ZNF843: variants seen among roughly 807,000 people sequenced by gnomAD.
The protein encoded by ZNF843 is zinc finger protein 843.
For synonymous variants in ZNF843, 185 were observed against 207.7 expected (o/e 0.89, Z 0.94); for missense variants, 482 against 469.4 (o/e 1.03, Z -0.25).
At chr16:31,438,610 C>T (rs960990839) in intron 1 of ZNF843, among the ~76,000 whole-genome samples, 1 of 152,118 alleles carries the variant, frequency 6.6e-6, no homozygotes, top group South Asian at 2.1e-4. Context: ...TCAGCGGATA[C>T]TTGGCTCTTA....
At position 31,435,742 on chromosome 16, in the gene ZNF843, C is replaced by G. The variant is rs1427159345; in HGVS notation, c.*61G>C. On this transcript the variant is annotated 3_prime_UTR_variant, in exon 2 of 2. Transcript: ENST00000315678. ...TGTGTGGAGGGAGGGGACTGCATCT[C>G]AGATCCACAGTCCACCGGCGGCTGC... 1 of 1,422,810 alleles carries G rather than the reference C, an allele frequency of 7.0e-7. No individual in the cohort carries two copies. The highest frequency in any genetic ancestry group is 9.2e-7 in the Non-Finnish European group (1 of 1,082,190). The allele number at this position is 1,422,810 out of a possible 1,614,324, so 88.1% of individuals were successfully genotyped here.
chr16:31,435,945 C>G lies in ZNF843; in HGVS notation c.905G>C (p.Gly302Ala). The change falls in exon 2 of 2, where the codon GGA becomes GCA. Residue 302 changes from glycine to alanine, a missense_variant. By Grantham distance (60) the Gly-to-Ala change is moderately conservative. Transcript: ENST00000315678. ...CCTGGCCCTGGCCTCGCCGAGCGGT[C>G]CGGCCGCTCTGTGCTGCGAGGCCTT... ...ARKASQHRAA[G>A]PLGEARARLQ... 1 of 1,541,226 alleles carries G rather than the reference C, an allele frequency of 6.5e-7. No individual in the cohort carries two copies. Among genetic ancestry groups the G allele is most frequent in the Non-Finnish European group, 8.8e-7 (1 of 1,141,984 alleles).
At position 31,436,028 on chromosome 16, in the gene ZNF843, G is replaced by T. The variant is rs1049468913; in HGVS notation, c.822C>A (p.Ser274Arg). Residue 274 changes from serine (S) to arginine (R), a missense_variant, in exon 2 of 2, where the codon AGC becomes AGA. By Grantham distance (110) the Ser-to-Arg change is moderately radical. Transcript: ENST00000315678. ...CCGCCTCCCGCGAGTCCCGTCCCGC[G>T]CTCGCACAGCTTCTGGGCCCCATCG... is the stretch of plus-strand genomic sequence containing the variant. ...EGAMGPRSCA[S>R]AGRDSREAVQ... 25 of 1,532,742 alleles carry T rather than the reference G, an allele frequency of 1.6e-5. No homozygotes were observed. The highest frequency in any genetic ancestry group is 4.1e-5 in the African/African-American group (3 of 72,718). 94.9% of individuals were successfully genotyped at this position (1,532,742 alleles called of 1,614,324 possible).
intron 1 of ZNF843, among the ~76,000 whole-genome samples, chr16:31,442,206 C>A (rs1045857052): frequency 6.6e-6 from 1 of 152,260 alleles, no homozygotes; most frequent in African/African-American, 2.4e-5. Flanking sequence ...CCACGGAACG[C>A]CCCACCAAGC....
In ZNF843 at chr16:31,435,961, G is replaced by A; in HGVS notation, c.889C>T (p.Gln297Ter). 1 of 1,532,712 alleles carries A rather than the reference G, an allele frequency of 6.5e-7. No individual in the cohort carries two copies. The highest frequency in any genetic ancestry group is 8.8e-7 in the Non-Finnish European group (1 of 1,137,250). The allele number at this position is 1,532,712 out of a possible 1,614,324, so 94.9% of individuals were successfully genotyped here. The part of the protein sequence containing the change: ...GYPEPARKAS[Q>*]HRAAGPLGEA... ...CCGAGCGGTCCGGCCGCTCTGTGCT[G>A]CGAGGCCTTCCGGGCTGGCTCAGGG... is the stretch of plus-strand genomic sequence containing the variant. The change falls in exon 2 of 2, where the codon CAG becomes TAG. Residue 297 changes from glutamine to a stop codon, truncating the protein, a stop_gained. Transcript: ENST00000315678. LOFTEE classifies it low-confidence loss of function (END_TRUNC).
At position 31,442,651 on chromosome 16, in the gene ZNF843, G is replaced by GC. The variant is rs1008975598; in HGVS notation, c.-352dup. 3.9e-5 allele frequency: 6 copies of GC among 152,258 alleles called. No individual in the cohort carries two copies. The highest frequency in any genetic ancestry group is 1.4e-4 in the African/African-American group (6 of 41,440). 9.4% of individuals were successfully genotyped at this position (152,258 alleles called of 1,614,324 possible). A position where few individuals can be genotyped will look rare whatever the true frequency, so the allele number is the denominator to read the frequency against. The stretch of plus-strand genomic sequence containing the variant: ...TCGCTCTTACCCGGTGAGGTCCCGT[G>GC]CCCGCGTACCTCCCGCATGACACTT... On this transcript the variant is annotated 5_prime_UTR_variant, in exon 1 of 2. It introduces an in-frame stop codon into an upstream open reading frame of the 5' UTR. Coordinates refer to ENST00000315678, the MANE Select transcript of ZNF843 (RefSeq NM_001136509.3).
chr16:31,442,156 C>T (rs979421050), intron 1 of ZNF843, among the ~76,000 whole-genome samples: 3 of 152,204 alleles, frequency 2.0e-5, no homozygotes, highest in African/African-American at 7.2e-5. Flanking sequence ...GGTGTTGGCC[C>T]GCCCCTTCCC....
intron 1 of ZNF843, among the ~76,000 whole-genome samples, chr16:31,439,654 T>G (rs1329369605): frequency 2.6e-5 from 4 of 152,236 alleles, no homozygotes; most frequent in African/African-American, 9.6e-5. Flanking sequence ...ATGATTCAAT[T>G]TCTGTGAAAT....
At chr16:31,442,205 G>A (rs183583139) in intron 1 of ZNF843, among the ~76,000 whole-genome samples, 1,584 of 152,354 alleles carry the variant, frequency 0.01, 23 homozygotes, top group African/African-American at 0.036. Flanking sequence ...TCCACGGAAC[G>A]CCCCACCAAG....
chr16:31,441,677 C>T (rs373232493), intron 1 of ZNF843, among the ~76,000 whole-genome samples: 12 of 151,500 alleles, frequency 7.9e-5, no homozygotes, highest in African/African-American at 2.9e-4. Flanking sequence ...TTAGTGTAGA[C>T]AGGATCTCAT....
At chr16:31,439,503 A>G (rs2082194346) in intron 1 of ZNF843, among the ~76,000 whole-genome samples, 1 of 152,264 alleles carries the variant, frequency 6.6e-6, no homozygotes, top group Non-Finnish European at 1.5e-5. Context: ...AATGTCCATC[A>G]ATGGGTGGAA....
rs1404900840 is a variant in ZNF843, at chr16:31,435,628, C to T, written c.*175G>A. On this transcript the variant is annotated 3_prime_UTR_variant, in exon 2 of 2. Coordinates refer to ENST00000315678, the MANE Select transcript of ZNF843 (RefSeq NM_001136509.3). ...TCCCTTAATGTATAAGGGAAAGGAG[C>T]GAGAATTCAGGGGAAAAAAAACAAA... The T allele has an allele frequency of 5.0e-6, 3 of 601,242 alleles. No homozygotes were observed. Among genetic ancestry groups the T allele is most frequent in the Non-Finnish European group, 8.0e-6 (3 of 376,912 alleles). The allele number at this position is 601,242 out of a possible 1,614,324, so 37.2% of individuals were successfully genotyped here.
At chr16:31,437,323 A>T (rs1597180618) in intron 1 of ZNF843, 139 bp from the exon 2 acceptor site, 1 of 110,262 alleles carries the variant, frequency 9.1e-6, no homozygotes, top group Non-Finnish European at 1.8e-5. Context: ...TTTTTTTTTA[A>T]GACAGGGTCT....
rs868622156 is a variant in ZNF843 at position 31,436,581 on chromosome 16, G to T, written c.269C>A (p.Ser90Ter). 2 of 1,550,938 alleles carry T rather than the reference G, an allele frequency of 1.3e-6. No individual in the cohort carries two copies. Among genetic ancestry groups the T allele is most frequent in the African/African-American group, 2.7e-5 (2 of 73,050 alleles). The change falls in exon 2 of 2, where the codon TCG becomes TAG. Residue 90 changes from serine to a stop codon, truncating the protein, a stop_gained. Transcript: ENST00000315678. LOFTEE classifies it low-confidence loss of function (END_TRUNC). ...APASPLGRSHSSAGVRQGFSG... is the reference protein window; with the variant it reads ...APASPLGRSH ...AAACCCTTGCCGCACTCCCGCAGAC[G>T]AATGGCTTCTCCCGAGTGGACTCGC...
rs1259080920 is a variant in ZNF843, at chr16:31,436,891, G to A, written c.-42C>T. On this transcript the variant is annotated 5_prime_UTR_variant, in exon 2 of 2. Transcript: ENST00000315678. ...ATGACCGCTCAGGGAGTAACTGTAC[G>A]GGAGGCTTTGCCGCACTTGGCGCAG... is the stretch of plus-strand genomic sequence containing the variant. 2.1e-6 allele frequency: 3 copies of A among 1,460,980 alleles called. No individual in the cohort carries two copies. The highest frequency in any genetic ancestry group is 1.4e-5 in the South Asian group (1 of 70,094). The allele number at this position is 1,460,980 out of a possible 1,614,324, so 90.5% of individuals were successfully genotyped here.
At chr16:31,437,655 C>T (rs2082188361) in intron 1 of ZNF843, among the ~76,000 whole-genome samples, 2 of 139,296 alleles carry the variant, frequency 1.4e-5, no homozygotes, top group South Asian at 2.3e-4. Flanking sequence ...GAGTCTTGCT[C>T]TGTCACCCAG....
Position 31,436,145 on chromosome 16 carries a change from G to C in ZNF843, c.705C>G (p.Ser235=), listed in dbSNP as rs1012036566. ...GCACTGCAGGCACTGCGGGAAGGCC[G>C]GATGGAACCAGAGGCTGGAGACTGA... The part of the protein sequence containing the change: ...PPLSLQPLVP[S]GLPAVPAVPL... Residue 235 remains serine (S), a synonymous_variant, in exon 2 of 2, where the codon TCC becomes TCG. Transcript: ENST00000315678. The C allele has an allele frequency of 6.5e-7, 1 of 1,547,268 alleles. No homozygotes were observed. The highest frequency in any genetic ancestry group is 1.2e-5 in the South Asian group (1 of 83,360).
chr16:31,439,674 A>G (rs1567366146), intron 1 of ZNF843, among the ~76,000 whole-genome samples: 1 of 152,246 alleles, frequency 6.6e-6, no homozygotes, highest in East Asian at 1.9e-4. Flanking sequence ...TTCCATTTCT[A>G]CAAAAAGCAA....
chr16:31,437,004 C>G lies in ZNF843; in HGVS notation c.-155G>C, dbSNP rs1268272067. On this transcript the variant is annotated 5_prime_UTR_variant, in exon 2 of 2. Transcript: ENST00000315678. ...CCCGGCCCCAGGCCTCGGGGGCTGT[C>G]TGGAGAGTTCTCTAATGTAAGACGC... 1 of 668,190 alleles carries G rather than the reference C, an allele frequency of 1.5e-6. No homozygotes were observed. Among genetic ancestry groups the G allele is most frequent in the Non-Finnish European group, 2.6e-6 (1 of 388,818 alleles). 41.4% of individuals were successfully genotyped at this position (668,190 alleles called of 1,614,324 possible). A position where few individuals can be genotyped will look rare whatever the true frequency, so the allele number is the denominator to read the frequency against.
Sources: gnomAD v4.1 joint callset for allele counts (sites outside exome capture counted in the v4.1 genomes callset) on GRCh38, gnomAD v4.1.1 for gene constraint, MANE v1.5 for transcripts, NCBI Gene and HGNC (gene_info 2026-07-23, HGNC 2026-07-21) for gene names.